The following FER1L6 variants were observed in gnomAD, a reference collection of about 807,000 sequenced individuals.
FER1L6 encodes the protein fer-1 like family member 6, also known as fer-1-like protein 6.
In FER1L6, 177 loss-of-function variants were observed where a neutral mutation model predicts 219.2. That is an observed-to-expected ratio of 0.81 (90% CI 0.71 to 0.91). FER1L6 has a LOEUF of 0.91. Ranked by LOEUF, FER1L6 falls within the 40% of genes least tolerant of loss-of-function variation. FER1L6 has a pLI of 0.00. For synonymous variants in FER1L6, 768 were observed against 824.3 expected (o/e 0.93, Z 1.17); for missense variants, 2,153 against 2,259.9 (o/e 0.95, Z 0.96).
chr8:124,042,043 C>T (rs1249268707), intron 20 of FER1L6, among the ~76,000 whole-genome samples: 1 of 152,166 alleles, frequency 6.6e-6, no homozygotes. Flanking sequence ...TTCCTTCCTA[C>T]AGCAAGGGAG....
chr8:123,942,030 G>A (rs1173305151), intron 1 of FER1L6, among the ~76,000 whole-genome samples: 2 of 152,092 alleles, frequency 1.3e-5, no homozygotes, highest in African/African-American at 2.4e-5. Context: ...GGAGGGATGC[G>A]CTAGGGAACC....
At chr8:123,957,814 G>A (rs1815087369) in intron 2 of FER1L6, among the ~76,000 whole-genome samples, 1 of 152,174 alleles carries the variant, frequency 6.6e-6, no homozygotes, top group Non-Finnish European at 1.5e-5. Flanking sequence ...AAAGCAAACA[G>A]GGCAGGGAGG....
At chr8:123,986,707 C>T (rs943502092) in intron 12 of FER1L6, among the ~76,000 whole-genome samples, 1 of 152,164 alleles carries the variant, frequency 6.6e-6, no homozygotes, top group Admixed American at 6.5e-5. Context: ...CACTCTCTAT[C>T]TCAATGAGTT....
At chr8:123,882,494 T>C (rs949081533) in intron 1 of FER1L6, among the ~76,000 whole-genome samples, 4 of 152,234 alleles carry the variant, frequency 2.6e-5, no homozygotes, top group African/African-American at 4.8e-5. Context: ...TTCATCCATA[T>C]ATATTTACTG....
At chr8:123,899,608 T>C (rs1812822407) in intron 1 of FER1L6, among the ~76,000 whole-genome samples, 1 of 152,172 alleles carries the variant, frequency 6.6e-6, no homozygotes, top group South Asian at 2.1e-4. Context: ...CAGAAGAGTT[T>C]TTCCAATGTT....
chr8:124,072,034 G>C (rs1468259024), intron 31 of FER1L6, among the ~76,000 whole-genome samples: 1 of 152,188 alleles, frequency 6.6e-6, no homozygotes, highest in Non-Finnish European at 1.5e-5. Context: ...ACATATAGGG[G>C]TATGAAGTTA....
intron 1 of FER1L6, among the ~76,000 whole-genome samples, chr8:123,862,375 G>T (rs370980160): frequency 2.7e-4 from 36 of 131,494 alleles, no homozygotes; most frequent in African/African-American, 1.1e-3. Context: ...GCTGGATTCG[G>T]TTTGCCAGTA....
intron 1 of FER1L6, among the ~76,000 whole-genome samples, chr8:123,935,948 A>G (rs1216803802): frequency 7.5e-5 from 1 of 13,306 alleles, no homozygotes. Context: ...TGGCTAATGC[A>G]AAAAAAAAAA....
rs1031807339 is a variant in FER1L6, at chr8:124,111,449, C to G, written c.5290-7395C>G. Among the ~76,000 whole-genome samples, 3 of 152,156 alleles carry G rather than the reference C, an allele frequency of 2.0e-5. No individual in the cohort carries two copies. The highest frequency in any genetic ancestry group is 4.4e-5 in the Non-Finnish European group (3 of 68,018). ...AGGAAAGGGGTCCCAGCCCAGACCCCAAGAGAGGGCTCTTGCATCTTGGGC... is the reference window on the plus strand; with the variant it reads ...AGGAAAGGGGTCCCAGCCCAGACCCGAAGAGAGGGCTCTTGCATCTTGGGC... On this transcript the variant is annotated intron_variant, in intron 39 of 40. Coordinates refer to ENST00000522917, the MANE Select transcript of FER1L6 (RefSeq NM_001039112.2). This position sits in a 1 kb window ranked among gnomAD's most constrained non-coding sequence, Gnocchi z 5.0.
intron 1 of FER1L6, among the ~76,000 whole-genome samples, chr8:123,937,528 A>ACG (rs1814057224): frequency 1.3e-5 from 2 of 152,162 alleles, no homozygotes; most frequent in Non-Finnish European, 2.9e-5. Flanking sequence ...CCTAATACTC[A>ACG]TAAAACCCTT....
In FER1L6 at chr8:124,118,891, G is replaced by GA. The variant is rs754163308; in HGVS notation, c.5342dup (p.Asn1781LysfsTer31). On this transcript the variant is annotated frameshift_variant, in exon 40 of 41. Transcript: ENST00000522917. LOFTEE classifies it high-confidence loss of function. Reference sequence around the variant, plus strand: ...ACCTAGTTACAGCAGAAGAAGCTGAGAAAAATCCTGTTGGAAAAGCCCGAA... The same window carrying GA: ...ACCTAGTTACAGCAGAAGAAGCTGAGAAAAAATCCTGTTGGAAAAGCCCGAA... The GA allele has an allele frequency of 1.4e-5, 22 of 1,614,032 alleles. No homozygotes were observed. The East Asian group carries it at 4.5e-4, about 33-fold the overall frequency.
intron 18 of FER1L6, among the ~76,000 whole-genome samples, chr8:124,030,043 T>G (rs903658937): frequency 1.3e-5 from 2 of 152,218 alleles, no homozygotes; most frequent in Non-Finnish European, 2.9e-5. Context: ...ATTGCTCGTT[T>G]GTGTCAGGTT....
intron 40 of FER1L6, 101 bp from the exon 41 acceptor site, chr8:124,119,506 G>C (rs1403458187): frequency 6.5e-6 from 5 of 768,128 alleles, no homozygotes; most frequent in Non-Finnish European, 9.0e-6. Context: ...TCTCCCTATG[G>C]GTCCTCAGAA....
intron 1 of FER1L6, among the ~76,000 whole-genome samples, chr8:123,904,927 T>C (rs559644704): frequency 3.3e-5 from 5 of 152,316 alleles, no homozygotes; most frequent in Non-Finnish European, 5.9e-5. Context: ...AAATCAGCCA[T>C]GGTGGGAATA....
chr8:123,966,388 C>A (rs759106260), intron 5 of FER1L6, 98 bp downstream of exon 5: 329 of 1,475,002 alleles, frequency 2.2e-4, no homozygotes, highest in Non-Finnish European at 2.9e-4. Flanking sequence ...GCCCCTCCTG[C>A]CTCCCTCCCT....
Position 124,091,524 on chromosome 8 carries a change from A to AAAT in FER1L6, c.4495_4497dup (p.Ile1499dup). On this transcript the variant is annotated inframe_insertion, in exon 34 of 41. Transcript: ENST00000522917. Reference sequence around the variant, plus strand: ...GATGGACCCTACTTTCACCCTGGGAAAATACAGATAGGAAACCAAGTCTTT... The same window carrying AAAT: ...GATGGACCCTACTTTCACCCTGGGAAAATAATACAGATAGGAAACCAAGTCTTT... The AAAT allele has an allele frequency of 6.2e-7, 1 of 1,614,126 alleles. No homozygotes were observed. The highest frequency in any genetic ancestry group is 8.5e-7 in the Non-Finnish European group (1 of 1,179,942).
intron 9 of FER1L6, among the ~76,000 whole-genome samples, chr8:123,976,873 G>T (rs897243225): frequency 6.6e-6 from 1 of 152,184 alleles, no homozygotes; most frequent in African/African-American, 2.4e-5. Flanking sequence ...GCCTGTGTAC[G>T]TGGTCAGAGA....
intron 2 of FER1L6, among the ~76,000 whole-genome samples, chr8:123,957,158 C>G (rs1172372888): frequency 6.6e-6 from 1 of 152,224 alleles, no homozygotes; most frequent in Non-Finnish European, 1.5e-5. Flanking sequence ...TGCAGATGTC[C>G]TGTAGCCATA....
chr8:123,956,036 C>T lies in FER1L6; in HGVS notation c.38C>T (p.Ala13Val), dbSNP rs752795196. The T allele has an allele frequency of 5.6e-6, 9 of 1,611,914 alleles. No homozygotes were observed. The African/African-American group carries it at 1.2e-4, about 22-fold the overall frequency. The change falls in exon 2 of 41, where the codon GCA (alanine) becomes GTA (valine). Residue 13 changes from alanine (A) to valine (V), a missense_variant. Coordinates refer to ENST00000522917, the MANE Select transcript of FER1L6 (RefSeq NM_001039112.2). ...AAGGTGAAGAAGAAGAGAAATAAGG[C>T]AGAGAAGGGGTTAATCCTAGCCAAC... Reference protein sequence around the residue: ...GLKVKKKRNKAEKGLILANKA... With the variant: ...GLKVKKKRNKVEKGLILANKA...
Sources: gnomAD v4.1 joint callset for allele counts (sites outside exome capture counted in the v4.1 genomes callset) on GRCh38, gnomAD v4.1.1 for gene constraint, Gnocchi (gnomAD v3.1) non-coding constraint, MANE v1.5 for transcripts, NCBI Gene and HGNC (gene_info 2026-07-23, HGNC 2026-07-21) for gene names.